The following GLMP variants were observed in gnomAD, a reference collection of about 807,000 sequenced individuals.
The protein encoded by GLMP is kidney lysosomal membrane protein.
Under a neutral mutation model 39.2 loss-of-function variants are expected in GLMP, and 36 were observed. The observed-to-expected ratio is 0.92, with a 90% CI of 0.70 to 1.21. The LOEUF is 1.21. Ranked by LOEUF, GLMP falls within the 50% of genes most tolerant of loss-of-function variation. GLMP has a pLI of 0.00. For missense variants in GLMP, 454 were observed against 505.6 expected (o/e 0.90, Z 0.98); for synonymous variants, 220 against 218.9 (o/e 1.01, Z -0.04).
Position 156,293,339 on chromosome 1 carries a change from C to G in GLMP, c.1036G>C (p.Asp346His), listed in dbSNP as rs569688839. ...FGASTGPGYW[D>H]QHYLSWSMLL... The stretch of plus-strand genomic sequence containing the variant: ...TCTCACCAGCTGAGGTAGTGTTGGT[C>G]CCAATAGCCAGGGCCTGTGGAAGCC... The change falls in exon 5 of 6, where the codon GAC becomes CAC. Residue 346 changes from aspartate (D) to histidine (H), a missense_variant. Coordinates refer to ENST00000362007, the MANE Select transcript of GLMP (RefSeq NM_144580.3). 66 of 1,614,152 alleles carry G rather than the reference C, an allele frequency of 4.1e-5. 1 individual carries two copies. The South Asian group carries it at 7.2e-4, about 18-fold the overall frequency.
In GLMP at chr1:156,292,973, G is replaced by A. The variant is rs745742776; in HGVS notation, c.*71C>T. The A allele has an allele frequency of 3.9e-6, 6 of 1,545,358 alleles. No individual in the cohort carries two copies. The Admixed American group carries it at 9.6e-5, about 25-fold the overall frequency. On this transcript the variant is annotated 3_prime_UTR_variant, in exon 6 of 6. Coordinates refer to ENST00000362007, the MANE Select transcript of GLMP (RefSeq NM_144580.3). ...GTGAAGGGGCCGGCTGGAACTTGAT[G>A]CTCCAACCTCCAGAGTTTCGAGGCA...
Position 156,294,825 on chromosome 1 carries a change from G to T in GLMP, c.312C>A (p.Pro104=). The T allele has an allele frequency of 6.3e-7, 1 of 1,593,050 alleles. No homozygotes were observed. The highest frequency in any genetic ancestry group is 8.6e-7 in the Non-Finnish European group (1 of 1,168,634). Residue 104 remains proline, a synonymous_variant, in exon 2 of 6, where the codon CCC becomes CCA. Transcript: ENST00000362007. ...TAGGGAGCACCATCAGGCCCCCATC[G>T]GGCTCAGGGGATAGCAGGAGGCTCC... is the stretch of plus-strand genomic sequence containing the variant. ...VNWSLLLSPE[P]DGGLMVLPKD...
In GLMP at chr1:156,293,043, C is replaced by T. The variant is rs987843569; in HGVS notation, c.*1G>A. On this transcript the variant is annotated 3_prime_UTR_variant, in exon 6 of 6. Transcript: ENST00000362007. ...ATGTCCTTCCCTCCAGAGAGCGGGCCTTAATTTATGGACTGGTACTCTGAG... is the reference window on the plus strand; with the variant it reads ...ATGTCCTTCCCTCCAGAGAGCGGGCTTTAATTTATGGACTGGTACTCTGAG... 1 of 1,613,878 alleles carries T rather than the reference C, an allele frequency of 6.2e-7. No individual in the cohort carries two copies. The highest frequency in any genetic ancestry group is 1.3e-5 in the African/African-American group (1 of 74,912).
At position 156,293,545 on chromosome 1, in the gene GLMP, G is replaced by A. The variant is rs1219162164; in HGVS notation, c.830C>T (p.Ser277Leu). The A allele has an allele frequency of 6.2e-7, 1 of 1,614,078 alleles. No individual in the cohort carries two copies. The highest frequency in any genetic ancestry group is 2.2e-5 in the East Asian group (1 of 44,892). ...CACTGGTCGCCACTGTGCAAAGCCT[G>A]ATGGGAGGGAGCCCCACAGTAGCTG... ...LDQLLWGSLP[S>L]GFAQWRPVAY... is the part of the protein sequence containing the mutation. The change falls in exon 5 of 6, where the codon TCA (serine) becomes TTA (leucine). Residue 277 changes from serine to leucine, a missense_variant. Transcript: ENST00000362007.
intron 4 of GLMP, 106 bp from the exon 5 acceptor site, chr1:156,293,682 G>C: frequency 6.4e-7 from 1 of 1,565,214 alleles, no homozygotes; most frequent in Non-Finnish European, 8.7e-7. Context: ...CAGGAGTCCT[G>C]AGTCCTAGGC....
rs1572612984 is a variant in GLMP, at chr1:156,292,949, T to G, written c.*95A>C. 8 of 1,458,766 alleles carry G rather than the reference T, an allele frequency of 5.5e-6. No homozygotes were observed. Among genetic ancestry groups the G allele is most frequent in the South Asian group, 2.8e-5 (2 of 71,306 alleles). 90.4% of individuals were successfully genotyped at this position (1,458,766 alleles called of 1,614,324 possible). Reference sequence around the variant, plus strand: ...TCCACAGAAAAGCAAGATGGGGGAGTGAAGGGGCCGGCTGGAACTTGATGC... The same window carrying G: ...TCCACAGAAAAGCAAGATGGGGGAGGGAAGGGGCCGGCTGGAACTTGATGC... On this transcript the variant is annotated 3_prime_UTR_variant, in exon 6 of 6. Transcript: ENST00000362007.
Position 156,293,098 on chromosome 1 carries a change from G to C in GLMP, c.1167C>G (p.Gly389=). The C allele has an allele frequency of 6.2e-7, 1 of 1,614,104 alleles. No individual in the cohort carries two copies. Among genetic ancestry groups the C allele is most frequent in the Non-Finnish European group, 8.5e-7 (1 of 1,180,028 alleles). The change falls in exon 6 of 6, where the codon GGC becomes GGG. Residue 389 remains glycine (G), a synonymous_variant. Transcript: ENST00000362007. ...TCTTGTGGTGCAGCAGCAGAACCAA[G>C]CCGCCCCCTAGCAGCATGAGCCCTG... ...GAPGLMLLGG[G]LVLLLHHKKY...
In GLMP at chr1:156,293,385, A is replaced by C. The variant is rs751869885; in HGVS notation, c.990T>G (p.Cys330Trp). The C allele has an allele frequency of 1.9e-6, 3 of 1,614,230 alleles. No individual in the cohort carries two copies. The highest frequency in any genetic ancestry group is 2.5e-6 in the Non-Finnish European group (3 of 1,180,044). ...AAGCCCCGAACGTCAGATTGAAGGC[A>C]CAGAAGTTATTCTGGGACCCAAAGA... The part of the protein sequence containing the change: ...RAFFGSQNNF[C>W]AFNLTFGAST... The change falls in exon 5 of 6, where the codon TGT becomes TGG. Residue 330 changes from cysteine (C) to tryptophan (W), a missense_variant. Coordinates refer to ENST00000362007, the MANE Select transcript of GLMP (RefSeq NM_144580.3).
rs1345917094 is a variant in GLMP, at chr1:156,292,842, G to C, written c.*202C>G. On this transcript the variant is annotated 3_prime_UTR_variant, in exon 6 of 6. Coordinates refer to ENST00000362007, the MANE Select transcript of GLMP (RefSeq NM_144580.3). ...GACCTTATCAATAGCCCTGTCCCCT[G>C]CCCGCCTCCAAAGTCCCCCAACAAA... 1 of 613,496 alleles carries C rather than the reference G, an allele frequency of 1.6e-6. No homozygotes were observed. Among genetic ancestry groups the C allele is most frequent in the African/African-American group, 1.9e-5 (1 of 53,892 alleles). The allele number at this position is 613,496 out of a possible 1,614,324, so 38.0% of individuals were successfully genotyped here.
chr1:156,295,577 A>G lies in GLMP; in HGVS notation c.69T>C (p.Thr23=). 6.4e-7 allele frequency: 1 copy of G among 1,554,320 alleles called. No individual in the cohort carries two copies. The highest frequency in any genetic ancestry group is 1.4e-5 in the African/African-American group (1 of 72,350). Residue 23 remains threonine (T), a synonymous_variant, in exon 1 of 6, where the codon ACT becomes ACC. Coordinates refer to ENST00000362007, the MANE Select transcript of GLMP (RefSeq NM_144580.3). ...CAAATGGGGCTGCAAACAGAAGTAGAGTCCAAAGGAGCAGGGGGCTGGGGG... is the reference window on the plus strand; with the variant it reads ...CAAATGGGGCTGCAAACAGAAGTAGGGTCCAAAGGAGCAGGGGGCTGGGGG... The part of the protein sequence containing the change: ...HCAPSPLLLW[T]LLLFAAPFGL...
At chr1:156,294,711 ACT>A (rs1418108895) in intron 2 of GLMP, 46 bp downstream of exon 2, 1 of 1,552,052 alleles carries the variant, frequency 6.4e-7, no homozygotes, top group Non-Finnish European at 8.7e-7. Context: ...ATTGGGATGA[ACT>A]CTCTCCTCTG....
At position 156,292,862 on chromosome 1, in the gene GLMP, A is replaced by C. The variant is rs6800; in HGVS notation, c.*182T>G. 0.27 allele frequency: 199,679 copies of C among 740,358 alleles called. 28,246 individuals carry two copies. The highest frequency in any genetic ancestry group is 0.29 in the Non-Finnish European group (136,150 of 467,704). The allele number at this position is 740,358 out of a possible 1,614,324, so 45.9% of individuals were successfully genotyped here. On this transcript the variant is annotated 3_prime_UTR_variant, in exon 6 of 6. Coordinates refer to ENST00000362007, the MANE Select transcript of GLMP (RefSeq NM_144580.3). ...CCCCTGCCCGCCTCCAAAGTCCCCC[A>C]ACAAAGTATGAAGGAAGCCCCACCT...
rs2101599057 is a variant in GLMP, at chr1:156,292,782, A to G, written c.*262T>C. The G allele has an allele frequency of 4.4e-6, 2 of 454,836 alleles. No homozygotes were observed. The highest frequency in any genetic ancestry group is 6.9e-5 in the East Asian group (2 of 28,898). The allele number at this position is 454,836 out of a possible 1,614,324, so 28.2% of individuals were successfully genotyped here. A position where few individuals can be genotyped will look rare whatever the true frequency, so the allele number is the denominator to read the frequency against. On this transcript the variant is annotated 3_prime_UTR_variant, in exon 6 of 6. Transcript: ENST00000362007. ...TAGGCCTGCAAGTCCCATCCAAGGG[A>G]AATGTGTGGAGATGCAAGAAGGCAA...
rs1331833011 is a variant in GLMP, at chr1:156,294,349, A to G, written c.579+16T>C. ...AATCAGCCTTTTTGAGCTCTTTCCG[A>G]TTTCTCACGCCTTACCCTGAAGGCC... On this transcript the variant is annotated intron_variant, in intron 3 of 5. Coordinates refer to ENST00000362007, the MANE Select transcript of GLMP (RefSeq NM_144580.3). 2 of 1,613,740 alleles carry G rather than the reference A, an allele frequency of 1.2e-6. No individual in the cohort carries two copies. Among genetic ancestry groups the G allele is most frequent in the Non-Finnish European group, 1.7e-6 (2 of 1,179,742 alleles).
In GLMP at chr1:156,294,899, C is replaced by G. The variant is rs148281472; in HGVS notation, c.238G>C (p.Val80Leu). The change falls in exon 2 of 6, where the codon GTG (valine) becomes CTG (leucine). Residue 80 changes from valine to leucine, a missense_variant. Physicochemically the swap from Val to Leu is conservative, Grantham distance 32. Transcript: ENST00000362007. ...GGGGTGTTGGTGGCCACCATTACCA[C>G]TGCCAGAGGCCCCAGGCTGCTCCAC... Reference protein sequence around the residue: ...YVWSSLGPLAVVMVATNTPHS... With the variant: ...YVWSSLGPLALVMVATNTPHS... 1.3e-4 allele frequency: 210 copies of G among 1,612,884 alleles called. 4 individuals carry two copies. The Admixed American group carries it at 1.8e-3, about 14-fold the overall frequency.
In GLMP at chr1:156,293,371, G is replaced by A. The variant is rs765364245; in HGVS notation, c.1004C>T (p.Thr335Met). Residue 335 changes from threonine (T) to methionine (M), a missense_variant, in exon 5 of 6, where the codon ACG becomes ATG. Physicochemically the swap from Thr to Met is moderately conservative, Grantham distance 81 (BLOSUM62 -1). Coordinates refer to ENST00000362007, the MANE Select transcript of GLMP (RefSeq NM_144580.3). ...GCCAGGGCCTGTGGAAGCCCCGAAC[G>A]TCAGATTGAAGGCACAGAAGTTATT... The part of the protein sequence containing the change: ...SQNNFCAFNL[T>M]FGASTGPGYW... 3.7e-6 allele frequency: 6 copies of A among 1,614,178 alleles called. No individual in the cohort carries two copies. In the East Asian group the frequency reaches 6.7e-5, roughly 18 times the overall value.
In GLMP at chr1:156,294,796, T is replaced by TCCTTAGGGAGCACCATCAGGC; in HGVS notation, c.320_340dup (p.Gly107_Lys113dup). On this transcript the variant is annotated inframe_insertion, in exon 2 of 6. Transcript: ENST00000362007. ...AAGGGCAGAAGAAAACTGAATGCTG[T>TCCTTAGGGAGCACCATCAGGC]CCTTAGGGAGCACCATCAGGCCCCC... The TCCTTAGGGAGCACCATCAGGC allele has an allele frequency of 6.4e-7, 1 of 1,569,454 alleles. No individual in the cohort carries two copies. Among genetic ancestry groups the TCCTTAGGGAGCACCATCAGGC allele is most frequent in the Middle Eastern group, 1.7e-4 (1 of 5,836 alleles).
intron 3 of GLMP, 46 bp from the exon 4 acceptor site, chr1:156,294,282 T>C: frequency 6.2e-7 from 1 of 1,604,128 alleles, no homozygotes; most frequent in East Asian, 2.2e-5. Context: ...GCTGGATGCC[T>C]GTGCTTAAGG....
In GLMP at chr1:156,293,441, A is replaced by T; in HGVS notation, c.934T>A (p.Ser312Thr). The T allele has an allele frequency of 6.2e-7, 1 of 1,614,192 alleles. No homozygotes were observed. Among genetic ancestry groups the T allele is most frequent in the Non-Finnish European group, 8.5e-7 (1 of 1,180,040 alleles). Residue 312 changes from serine (S) to threonine (T), a missense_variant, in exon 5 of 6, where the codon TCT becomes ACT. Coordinates refer to ENST00000362007, the MANE Select transcript of GLMP (RefSeq NM_144580.3). Reference protein sequence around the residue: ...ASPLHPALAYSLPQSPIVRAF... With the variant: ...ASPLHPALAYTLPQSPIVRAF... ...CGGACAATGGGTGACTGGGGAAGAG[A>T]GTATGCTAAGGCAGGATGAAGAGGG...
Sources: gnomAD v4.1 joint callset for allele counts on GRCh38, gnomAD v4.1.1 for gene constraint, MANE v1.5 for transcripts, NCBI Gene and HGNC (gene_info 2026-07-23, HGNC 2026-07-21) for gene names.